SCFD1: variants seen among roughly 807,000 people sequenced by gnomAD.
SCFD1 encodes sec1 family domain-containing protein 1.
Under a neutral mutation model 103.2 loss-of-function variants are expected in SCFD1, and 37 were observed. The observed-to-expected ratio is 0.36, with a 90% CI of 0.28 to 0.47. The LOEUF (loss-of-function observed/expected upper bound fraction) is 0.47. Among genes scored for constraint, SCFD1 ranks in the 20% least tolerant of loss-of-function variants. The pLI, the probability that SCFD1 is intolerant of heterozygous loss-of-function variation, is 1.00. For missense variants in SCFD1, 639 were observed against 761.2 expected, an observed-to-expected ratio of 0.84 and a Z score of 1.89; for synonymous variants, 264 against 245.0, an observed-to-expected ratio of 1.08 and a Z score of -0.73.
chr14:30,661,118 C>A (rs1330688852), intron 10 of SCFD1, among the ~76,000 whole-genome samples: 1 of 152,106 alleles, frequency 6.6e-6, no homozygotes, highest in Non-Finnish European at 1.5e-5. Context: ...TTAAAGAACC[C>A]ATTTTTTTAA....
rs747473312 is a variant in SCFD1 at position 30,622,340 on chromosome 14, TGGCGGCGGC to T, written c.9_17del (p.AlaAlaAla5_?7). 1.3e-6 allele frequency: 2 copies of T among 1,576,440 alleles called. No individual in the cohort carries two copies. Among genetic ancestry groups the T allele is most frequent in the African/African-American group, 1.4e-5 (1 of 73,984 alleles). On this transcript the variant is annotated start_lost and inframe_deletion, in exon 1 of 25. Coordinates refer to ENST00000458591, the MANE Select transcript of SCFD1 (RefSeq NM_016106.4). ...GGGCAGTGGCTCGTGGGAGCCAAGA[TGGCGGCGGC>T]GGCGGCAGCGACAGCAGCAGCAGCA...
At chr14:30,631,520 T>C (rs992338139) in intron 3 of SCFD1, among the ~76,000 whole-genome samples, 2 of 152,120 alleles carry the variant, frequency 1.3e-5, no homozygotes, top group African/African-American at 4.8e-5. Context: ...AGTCAAAAAA[T>C]CCTAAGTTGA....
In SCFD1 at chr14:30,735,568, T is replaced by G; in HGVS notation, c.1906-18T>G. On this transcript the variant is annotated intron_variant, in intron 24 of 24. Coordinates refer to ENST00000458591, the MANE Select transcript of SCFD1 (RefSeq NM_016106.4). ...TCTTTTTTAAAAGTTTTATGTATGA[T>G]TTTGTGTTTTGTTTTAGTTGTCACA... The G allele has an allele frequency of 6.4e-7, 1 of 1,557,656 alleles. No homozygotes were observed. Among genetic ancestry groups the G allele is most frequent in the Non-Finnish European group, 8.8e-7 (1 of 1,133,236 alleles).
chr14:30,643,357 G>C lies in SCFD1; in HGVS notation c.565G>C (p.Val189Leu), dbSNP rs1885478951. The C allele has an allele frequency of 6.2e-7, 1 of 1,613,614 alleles. No homozygotes were observed. Reference sequence around the variant, plus strand: ...TATCACAGACACGGAAATGGAAACTGTTATGGACACTATAGTTGACAGCCT... The same window carrying C: ...TATCACAGACACGGAAATGGAAACTCTTATGGACACTATAGTTGACAGCCT... ...PDITDTEMETVMDTIVDSLFC... is the reference protein window; with the variant it reads ...PDITDTEMETLMDTIVDSLFC... The change falls in exon 7 of 25, where the codon GTT (valine) becomes CTT (leucine). Residue 189 changes from valine (V) to leucine (L), a missense_variant. Val to Leu is a conservative substitution (Grantham distance 32). Coordinates refer to ENST00000458591, the MANE Select transcript of SCFD1 (RefSeq NM_016106.4).
intron 10 of SCFD1, among the ~76,000 whole-genome samples, chr14:30,665,817 G>A (rs1052534614): frequency 5.9e-5 from 9 of 152,124 alleles, no homozygotes; most frequent in Non-Finnish European, 1.2e-4. Context: ...TAATGGTAAA[G>A]GGATCAATTC....
intron 10 of SCFD1, 112 bp downstream of exon 10, chr14:30,653,700 A>T: frequency 1.5e-6 from 1 of 676,236 alleles, no homozygotes; most frequent in Admixed American, 2.7e-5. Flanking sequence ...GATGGAACTG[A>T]GACCTATGAA....
At chr14:30,632,842 C>A (rs1432924963) in intron 3 of SCFD1, among the ~76,000 whole-genome samples, 1 of 152,116 alleles carries the variant, frequency 6.6e-6, no homozygotes, top group Non-Finnish European at 1.5e-5. Flanking sequence ...AGAAGTGAGG[C>A]CTTACTCAGT....
At position 30,660,687 on chromosome 14, in the gene SCFD1, G is replaced by A. The variant is rs1887366892; in HGVS notation, c.855+7099G>A. Among the ~76,000 whole-genome samples the A allele has an allele frequency of 2.0e-5, 3 of 152,026 alleles. 1 individual carries two copies. In the South Asian group the frequency reaches 6.2e-4, roughly 32 times the overall value. ...CTTTGTCAATTTTCAGAATTAGTGA[G>A]TACCCTAGTAATTTGCAGAGACAAT... On this transcript the variant is annotated intron_variant, in intron 10 of 24. Coordinates refer to ENST00000458591, the MANE Select transcript of SCFD1 (RefSeq NM_016106.4).
intron 7 of SCFD1, among the ~76,000 whole-genome samples, chr14:30,647,245 TA>T (rs1444070115): frequency 6.6e-6 from 1 of 152,168 alleles, no homozygotes; most frequent in Non-Finnish European, 1.5e-5. Context: ...ACTAGATTAA[TA>T]AAATATGTCA....
intron 14 of SCFD1, 172 bp downstream of exon 14, chr14:30,675,237 A>T: frequency 2.4e-6 from 1 of 415,386 alleles, no homozygotes; most frequent in Non-Finnish European, 4.4e-6. Context: ...TAACCTAGGA[A>T]TCCAGAAAGA....
At chr14:30,721,785 T>A (rs1393680318) in intron 21 of SCFD1, 99 bp from the exon 22 acceptor site, 3 of 990,010 alleles carry the variant, frequency 3.0e-6, no homozygotes, top group East Asian at 5.1e-5. Context: ...GAATTGTAAA[T>A]ACTTACCTAA....
chr14:30,735,361 CT>C (rs1185544179), intron 24 of SCFD1, among the ~76,000 whole-genome samples: 1 of 152,120 alleles, frequency 6.6e-6, no homozygotes, highest in Non-Finnish European at 1.5e-5. Flanking sequence ...TCAAGTGATC[CT>C]CCCACCTCAG....
intron 10 of SCFD1, among the ~76,000 whole-genome samples, chr14:30,655,525 T>C (rs925193183): frequency 2.0e-5 from 3 of 152,220 alleles, no homozygotes; most frequent in African/African-American, 7.2e-5. Context: ...CTCTAGCTGT[T>C]ATACTGAAAA....
intron 14 of SCFD1, among the ~76,000 whole-genome samples, chr14:30,684,662 A>C (rs545657136): frequency 6.6e-6 from 1 of 150,750 alleles, no homozygotes; most frequent in East Asian, 1.9e-4. Flanking sequence ...TGTTCATTAT[A>C]TATAATCTAT....
At chr14:30,636,363 T>C (rs912878332) in intron 4 of SCFD1, among the ~76,000 whole-genome samples, 1 of 152,082 alleles carries the variant, frequency 6.6e-6, no homozygotes, top group African/African-American at 2.4e-5. Context: ...TAGTTTTGGC[T>C]CTTACCTGTA....
intron 4 of SCFD1, among the ~76,000 whole-genome samples, chr14:30,637,135 A>C (rs1361878793): frequency 6.6e-6 from 1 of 152,034 alleles, no homozygotes; most frequent in Non-Finnish European, 1.5e-5. Context: ...CAATGGAAAA[A>C]GTTAGGAAAT....
chr14:30,707,796 T>G (rs567756647), intron 18 of SCFD1, 194 bp from the exon 19 acceptor site: 1 of 649,636 alleles, frequency 1.5e-6, no homozygotes, highest in South Asian at 1.5e-5. Context: ...ATTACTATTT[T>G]ATTGTTAAAT....
intron 10 of SCFD1, among the ~76,000 whole-genome samples, chr14:30,655,995 C>CACCT (rs1421104359): frequency 1.3e-5 from 2 of 151,966 alleles, no homozygotes; most frequent in African/African-American, 4.8e-5. Flanking sequence ...TGTGGTGGCA[C>CACCT]ACCTACTCAG....
At chr14:30,708,483 G>T (rs1891633345) in intron 19 of SCFD1, among the ~76,000 whole-genome samples, 1 of 152,040 alleles carries the variant, frequency 6.6e-6, no homozygotes, top group Admixed American at 6.5e-5. Flanking sequence ...GACTCTGAGG[G>T]TATTTTTTAC....
Sources: allele counts gnomAD v4.1 joint callset (sites outside exome capture counted in the v4.1 genomes callset), GRCh38; gene constraint gnomAD v4.1.1; transcripts MANE v1.5; gene names NCBI Gene and HGNC (gene_info 2026-07-23, HGNC 2026-07-21).